Variants in AGMO observed in about 807,000 individuals in gnomAD.
AGMO encodes alkylglycerol monooxygenase, also known as glyceryl-ether monooxygenase.
AGMO carries 75 observed loss-of-function variants against 60.2 expected under a neutral mutation model. That is an observed-to-expected ratio of 1.25 (90% CI 1.03 to 1.51). AGMO has a LOEUF of 1.51. Among genes scored for constraint, AGMO ranks in the 40% most tolerant of loss-of-function variants. The pLI is 0.00. For missense variants in AGMO, 763 were observed against 525.5 expected, an observed-to-expected ratio of 1.45 and a Z score of -4.42; for synonymous variants, 261 against 177.1, an observed-to-expected ratio of 1.47 and a Z score of -3.76.
chr7:15,487,094 G>T (rs933906240), intron 3 of AGMO, among the ~76,000 whole-genome samples: 57 of 152,222 alleles, frequency 3.7e-4, no homozygotes, highest in African/African-American at 1.3e-3. Flanking sequence ...TTTAAAATTT[G>T]CTCTAATCTA....
At chr7:15,154,093 C>T in the AGMO span, among the ~76,000 whole-genome samples, 3 of 152,132 alleles carry the variant, frequency 2.0e-5, no homozygotes, top group Non-Finnish European at 4.4e-5. Context: ...CAAACTGTTA[C>T]TGTTTGCTGA....
intron 6 of AGMO, among the ~76,000 whole-genome samples, chr7:15,391,434 A>G (rs1251741454): frequency 2.0e-5 from 3 of 152,138 alleles, no homozygotes; most frequent in Non-Finnish European, 4.4e-5. Context: ...AACTCATATC[A>G]TATGTATTTT....
At chr7:15,328,914 C>CA (rs1355528490) in intron 12 of AGMO, among the ~76,000 whole-genome samples, 1 of 152,082 alleles carries the variant, frequency 6.6e-6, no homozygotes, top group Non-Finnish European at 1.5e-5. Flanking sequence ...CTTTCCATAC[C>CA]AGGTCTTGGA....
chr7:15,328,178 A>ACCT (rs1316919297), intron 12 of AGMO, among the ~76,000 whole-genome samples: 2 of 151,380 alleles, frequency 1.3e-5, no homozygotes, highest in Non-Finnish European at 2.9e-5. Flanking sequence ...TCTCACTGCA[A>ACCT]CCTCAGCCTC....
rs140207104 is a variant in AGMO at position 15,385,543 on chromosome 7, G to C, written c.977C>G (p.Pro326Arg). Residue 326 changes from proline (P) to arginine (R), a missense_variant, in exon 10 of 13, where the codon CCC becomes CGC. By Grantham distance (103) the Pro-to-Arg change is moderately radical. Coordinates refer to ENST00000342526, the MANE Select transcript of AGMO (RefSeq NM_001004320.2). ...TAGCTGAGATGAAGATGATGAGAAG[G>C]GAACTTCTTTGCCGGTGACCTAGGG... is the stretch of plus-strand genomic sequence containing the variant. ...EIPEVTGKEV[P>R]FSSSSSQLLK... 2.5e-6 allele frequency: 4 copies of C among 1,610,652 alleles called. No homozygotes were observed. In the African/African-American group the frequency reaches 5.3e-5, roughly 22 times the overall value.
chr7:15,516,043 ATAAG>A (rs1404867466), intron 3 of AGMO, among the ~76,000 whole-genome samples: 23 of 152,332 alleles, frequency 1.5e-4, no homozygotes, highest in African/African-American at 5.5e-4. Context: ...TACAAAAATA[ATAAG>A]TATGTGAGGT....
chr7:15,354,103 G>C (rs148753755), intron 12 of AGMO, among the ~76,000 whole-genome samples: 22 of 151,834 alleles, frequency 1.4e-4, no homozygotes, highest in African/African-American at 4.3e-4. Context: ...GAAAGAAAAA[G>C]TGACCATTTT....
chr7:15,205,701 T>C (rs1335647568), intron 12 of AGMO, among the ~76,000 whole-genome samples: 1 of 152,146 alleles, frequency 6.6e-6, no homozygotes, highest in Non-Finnish European at 1.5e-5. Flanking sequence ...TGAAGGGTTA[T>C]TACTATTTAG....
chr7:15,247,455 C>CAGAGAGAGAG (rs1201390163), intron 12 of AGMO, among the ~76,000 whole-genome samples: 23 of 120,292 alleles, frequency 1.9e-4, no homozygotes, highest in African/African-American at 3.5e-4. Flanking sequence ...CACACACACA[C>CAGAGAGAGAG]ACACAGAGAG....
rs1583650850 is a variant in AGMO at position 15,529,637 on chromosome 7, T to TATATAGTATATATATTCTATATACAGA, written c.409+15134_409+15135insTCTGTATATAGAATATATATACTATAT. On this transcript the variant is annotated intron_variant, in intron 3 of 12. Transcript: ENST00000342526. ...ATATATAGAATATATATATAGAATA[T>TATATAGTATATATATTCTATATACAGA]ATATATATACTATATATTCTATATA... Among the ~76,000 whole-genome samples, 10 of 35,156 alleles carry TATATAGTATATATATTCTATATACAGA rather than the reference T, an allele frequency of 2.8e-4. 1 individual carries two copies. The highest frequency in any genetic ancestry group is 1.4e-3 in the African/African-American group (10 of 7,248). 23.1% of individuals were successfully genotyped at this position (35,156 alleles called of 152,430 possible).
intron 3 of AGMO, among the ~76,000 whole-genome samples, chr7:15,543,701 C>T (rs1206761564): frequency 6.6e-6 from 1 of 151,876 alleles, no homozygotes; most frequent in African/African-American, 2.4e-5. Context: ...TAATGGAAGG[C>T]AGTATATTAA....
intron 3 of AGMO, among the ~76,000 whole-genome samples, chr7:15,483,398 C>T (rs1782814392): frequency 7.5e-6 from 1 of 133,790 alleles, no homozygotes; most frequent in South Asian, 2.4e-4. Flanking sequence ...AACCCCGTCT[C>T]TACTAAAAAT....
At chr7:15,254,073 T>G (rs1160256067) in intron 12 of AGMO, among the ~76,000 whole-genome samples, 2 of 152,168 alleles carry the variant, frequency 1.3e-5, no homozygotes, top group African/African-American at 4.8e-5. Flanking sequence ...CTGTATAGTA[T>G]TCCATTGTGG....
intron 12 of AGMO, among the ~76,000 whole-genome samples, chr7:15,225,686 C>T (rs1782059491): frequency 6.6e-6 from 1 of 151,792 alleles, no homozygotes; most frequent in African/African-American, 2.4e-5. Context: ...GATTGTTACT[C>T]ATGGCAGAAT....
intron 12 of AGMO, among the ~76,000 whole-genome samples, chr7:15,279,675 C>T (rs2128518073): frequency 6.6e-6 from 1 of 152,246 alleles, no homozygotes; most frequent in African/African-American, 2.4e-5. Context: ...ACCACAGACC[C>T]TTTGAAAGAA....
At chr7:15,212,247 T>TACACACACACACAC (rs57236152) in intron 12 of AGMO, among the ~76,000 whole-genome samples, 11 of 146,276 alleles carry the variant, frequency 7.5e-5, no homozygotes, top group Non-Finnish European at 1.2e-4. Flanking sequence ...AGGTGTGGAG[T>TACACACACACACAC]ACACACACAC....
intron 12 of AGMO, among the ~76,000 whole-genome samples, chr7:15,292,749 T>C (rs988569122): frequency 4.4e-5 from 6 of 135,138 alleles, no homozygotes; most frequent in Admixed American, 3.0e-4. Flanking sequence ...CCTTTTTTTT[T>C]CCTTTTTTTT....
rs77881767 is a variant in AGMO, at chr7:15,303,648, G to A, written c.1263+61866C>T. Among the ~76,000 whole-genome samples the A allele has an allele frequency of 5.2e-3, 791 of 152,208 alleles. 7 individuals carry two copies. The highest frequency in any genetic ancestry group is 0.018 in the African/African-American group (762 of 41,548). Reference sequence around the variant, plus strand: ...AGAAAAAGTGAGAGAGTTGTGCTCTGCCATAAAAGAATGTGAGGAATATGA... The same window carrying A: ...AGAAAAAGTGAGAGAGTTGTGCTCTACCATAAAAGAATGTGAGGAATATGA... On this transcript the variant is annotated intron_variant, in intron 12 of 12. Coordinates refer to ENST00000342526, the MANE Select transcript of AGMO (RefSeq NM_001004320.2).
At chr7:15,358,274 T>A in intron 12 of AGMO, 1 of 357,644 alleles carries the variant, frequency 2.8e-6, no homozygotes, top group Middle Eastern at 3.9e-4. Context: ...GTCTTAAGGT[T>A]GCTGCTTTGA....
Sources: gnomAD v4.1 joint callset for allele counts (sites outside exome capture counted in the v4.1 genomes callset) on GRCh38, gnomAD v4.1.1 for gene constraint, MANE v1.5 for transcripts, NCBI Gene and HGNC (gene_info 2026-07-23, HGNC 2026-07-21) for gene names.